Variants in PKP4 observed in about 807,000 individuals in gnomAD.
PKP4 encodes the protein plakophilin-4.
A neutral mutation model predicts 145.1 loss-of-function variants in PKP4; 90 were observed. The observed-to-expected ratio is 0.62, with a 90% confidence interval of 0.52 to 0.74. PKP4 has a LOEUF of 0.74. Ranked by LOEUF, PKP4 falls within the 30% of genes least tolerant of loss-of-function variation. The pLI is 0.00. For synonymous variants in PKP4, 563 were observed against 577.2 expected, an observed-to-expected ratio of 0.98 and a Z score of 0.35; for missense variants, 1,340 against 1,482.7, an observed-to-expected ratio of 0.90 and a Z score of 1.58.
intron 20 of PKP4, chr2:158,677,346 G>A (rs1413689541): frequency 9.3e-6 from 2 of 213,958 alleles, no homozygotes; most frequent in East Asian, 1.0e-4. Flanking sequence ...ATAGCAAAAG[G>A]TATAATGTGA....
chr2:158,649,774 A>G (rs2055179582), intron 11 of PKP4, among the ~76,000 whole-genome samples: 1 of 152,170 alleles, frequency 6.6e-6, no homozygotes. Flanking sequence ...CTGTAATAAC[A>G]TGCTCCCTCA....
At chr2:158,513,797 C>T (rs2041719431) in intron 1 of PKP4, among the ~76,000 whole-genome samples, 1 of 152,058 alleles carries the variant, frequency 6.6e-6, no homozygotes, top group Non-Finnish European at 1.5e-5. Context: ...ACTATTGTTC[C>T]TTCGTCTTCT....
intron 4 of PKP4, among the ~76,000 whole-genome samples, chr2:158,612,415 G>A (rs1270672921): frequency 6.6e-6 from 1 of 152,058 alleles, no homozygotes; most frequent in Non-Finnish European, 1.5e-5. Flanking sequence ...TGAACATTTT[G>A]TTTTTTCCAG....
chr2:158,644,397 G>A (rs2054628206), intron 11 of PKP4, among the ~76,000 whole-genome samples: 1 of 152,132 alleles, frequency 6.6e-6, no homozygotes, highest in Admixed American at 6.5e-5. Flanking sequence ...CTGGATTCAA[G>A]GATACTTGAG....
intron 1 of PKP4, among the ~76,000 whole-genome samples, chr2:158,467,520 CTA>C (rs1172609834): frequency 7.3e-6 from 1 of 137,154 alleles, no homozygotes; most frequent in Non-Finnish European, 1.5e-5. Flanking sequence ...CCACTGCACT[CTA>C]TCCTGGGTGA....
intron 3 of PKP4, among the ~76,000 whole-genome samples, chr2:158,594,972 A>G (rs1480213380): frequency 6.6e-6 from 1 of 152,132 alleles, no homozygotes; most frequent in Non-Finnish European, 1.5e-5. Flanking sequence ...TCCTGTCTTC[A>G]CCTTACTGAA....
intron 2 of PKP4, among the ~76,000 whole-genome samples, chr2:158,534,837 T>C (rs1415739627): frequency 6.6e-6 from 1 of 152,192 alleles, no homozygotes. Context: ...GTAAATAGTG[T>C]TCTGAATAAG....
chr2:158,621,080 C>T lies in PKP4; in HGVS notation c.371C>T (p.Thr124Ile). The change falls in exon 5 of 22, where the codon ACC becomes ATC. Residue 124 changes from threonine (T) to isoleucine (I), a missense_variant. By Grantham distance (89) the Thr-to-Ile change is moderately conservative (BLOSUM62 -1). Coordinates refer to ENST00000389759, the MANE Select transcript of PKP4 (RefSeq NM_003628.6). The stretch of plus-strand genomic sequence containing the variant: ...ATCAGGACAGAGCCAGAACAAGGAA[C>T]CCTCTATTCACCAGAACAGACATCT... ...YLIRTEPEQGTLYSPEQTSLH... is the reference protein window; with the variant it reads ...YLIRTEPEQGILYSPEQTSLH... The T allele has an allele frequency of 1.2e-6, 2 of 1,614,124 alleles. No individual in the cohort carries two copies. Among genetic ancestry groups the T allele is most frequent in the Non-Finnish European group, 8.5e-7 (1 of 1,179,984 alleles).
chr2:158,460,024 C>T (rs1023111667), intron 1 of PKP4, among the ~76,000 whole-genome samples: 1 of 152,122 alleles, frequency 6.6e-6, no homozygotes, highest in Non-Finnish European at 1.5e-5. Flanking sequence ...GGAGAGGGTG[C>T]TGCATCTGGT....
intron 1 of PKP4, among the ~76,000 whole-genome samples, chr2:158,469,379 C>A (rs1691197604): frequency 6.6e-6 from 1 of 152,154 alleles, no homozygotes; most frequent in Non-Finnish European, 1.5e-5. Flanking sequence ...CGTGAACCAC[C>A]ACACCCGGCC....
At chr2:158,610,125 T>C (rs934419693) in intron 4 of PKP4, among the ~76,000 whole-genome samples, 1 of 152,252 alleles carries the variant, frequency 6.6e-6, no homozygotes, top group Non-Finnish European at 1.5e-5. Flanking sequence ...TCTAAAAATA[T>C]AAATGCACAT....
intron 15 of PKP4, 142 bp from the exon 16 acceptor site, chr2:158,666,271 G>C: frequency 1.5e-6 from 1 of 683,072 alleles, no homozygotes; most frequent in East Asian, 3.3e-5. Flanking sequence ...TCTCTTCACT[G>C]ACACCACAGA....
intron 7 of PKP4, among the ~76,000 whole-genome samples, chr2:158,630,918 GAA>G (rs2053285006): frequency 7.6e-6 from 1 of 130,940 alleles, no homozygotes; most frequent in Non-Finnish European, 1.7e-5. Context: ...GCTGCCAAGA[GAA>G]AGTGTTTTTG....
chr2:158,661,485 G>T (rs200182046), intron 13 of PKP4, 35 bp downstream of exon 13: 65 of 1,358,792 alleles, frequency 4.8e-5, no homozygotes, highest in Non-Finnish European at 5.9e-5. Context: ...GGGCGTGGTG[G>T]CAGGTGACCA....
chr2:158,482,032 C>A (rs965328210), intron 1 of PKP4, among the ~76,000 whole-genome samples: 1 of 152,118 alleles, frequency 6.6e-6, no homozygotes, highest in Non-Finnish European at 1.5e-5. Context: ...CAGTTGTGAT[C>A]GCTCATGCCA....
intron 4 of PKP4, among the ~76,000 whole-genome samples, chr2:158,604,155 A>G (rs2105852520): frequency 6.6e-6 from 1 of 152,330 alleles, no homozygotes; most frequent in South Asian, 2.1e-4. Flanking sequence ...TACTGATATA[A>G]GTGGACAGCC....
At chr2:158,550,113 A>G (rs1306044940) in intron 2 of PKP4, among the ~76,000 whole-genome samples, 1 of 152,240 alleles carries the variant, frequency 6.6e-6, no homozygotes, top group South Asian at 2.1e-4. Context: ...TAGATCTCTC[A>G]GAATAAAACA....
At chr2:158,523,192 A>G (rs890552981) in intron 1 of PKP4, among the ~76,000 whole-genome samples, 5 of 147,434 alleles carry the variant, frequency 3.4e-5, no homozygotes, top group Non-Finnish European at 1.5e-5. Context: ...ACAGACAAAC[A>G]AAAAGACAGC....
chr2:158,472,195 G>T (rs1691673465), intron 1 of PKP4, among the ~76,000 whole-genome samples: 1 of 152,146 alleles, frequency 6.6e-6, no homozygotes, highest in Non-Finnish European at 1.5e-5. Flanking sequence ...GTTAAGTAAT[G>T]CATTTGTTAA....
Sources: allele counts gnomAD v4.1 joint callset (sites outside exome capture counted in the v4.1 genomes callset), GRCh38; gene constraint gnomAD v4.1.1; transcripts MANE v1.5; gene names NCBI Gene and HGNC (gene_info 2026-07-23, HGNC 2026-07-21).